The following CELF4 variants were observed in gnomAD, a reference collection of about 807,000 sequenced individuals.
CELF4 encodes the protein CUG-BP- and ETR-3-like factor 4.
In CELF4, 18 loss-of-function variants were observed where a neutral mutation model predicts 59.9. The observed-to-expected ratio is 0.30, with a 90% CI of 0.21 to 0.45. The LOEUF (loss-of-function observed/expected upper bound fraction) is 0.45. Among genes scored for constraint, CELF4 ranks in the 20% least tolerant of loss-of-function variants. The pLI, the probability that CELF4 is intolerant of heterozygous loss-of-function variation, is 1.00. For missense variants in CELF4, 456 were observed against 689.0 expected, an observed-to-expected ratio of 0.66 and a Z score of 3.79; for synonymous variants, 261 against 267.1, an observed-to-expected ratio of 0.98 and a Z score of 0.22.
rs911680013 is a variant in CELF4 at position 37,468,720 on chromosome 18, C to G, written c.369+16805G>C. Among the ~76,000 whole-genome samples the G allele has an allele frequency of 3.3e-5, 5 of 152,098 alleles. No individual in the cohort carries two copies. In the South Asian group the frequency reaches 1.0e-3, roughly 32 times the overall value. Reference sequence around the variant, plus strand: ...GGGGAGGCCTCAGGAAACTTACAATCATGGTGGCAGGCAAGCAGAGGCAAA... The same window carrying G: ...GGGGAGGCCTCAGGAAACTTACAATGATGGTGGCAGGCAAGCAGAGGCAAA... On this transcript the variant is annotated intron_variant, in intron 2 of 12. Coordinates refer to ENST00000420428, the MANE Select transcript of CELF4 (RefSeq NM_020180.4).
chr18:37,539,982 T>G (rs1363860887), intron 1 of CELF4, among the ~76,000 whole-genome samples: 1 of 152,128 alleles, frequency 6.6e-6, no homozygotes, highest in Non-Finnish European at 1.5e-5. Context: ...ACTACCCAAT[T>G]ATAACAGTGC....
intron 3 of CELF4, among the ~76,000 whole-genome samples, chr18:37,299,250 G>A (rs1279179974): frequency 6.6e-6 from 1 of 152,212 alleles, no homozygotes; most frequent in African/African-American, 2.4e-5. Flanking sequence ...GCTAGGCTGG[G>A]GGCTCCAGAA....
At chr18:37,529,464 G>T (rs1287001391) in intron 1 of CELF4, among the ~76,000 whole-genome samples, 1 of 152,224 alleles carries the variant, frequency 6.6e-6, no homozygotes, top group Non-Finnish European at 1.5e-5. Flanking sequence ...GGAGCTCACG[G>T]AGGAGCAGGC....
rs2061409105 is a variant in CELF4 at position 37,244,586 on chromosome 18, T to G, written c.*656A>C. 1 of 152,528 alleles carries G rather than the reference T, an allele frequency of 6.6e-6. No homozygotes were observed. The highest frequency in any genetic ancestry group is 2.1e-4 in the South Asian group (1 of 4,830). 9.4% of individuals were successfully genotyped at this position (152,528 alleles called of 1,614,324 possible). A position where few individuals can be genotyped will look rare whatever the true frequency, so the allele number is the denominator to read the frequency against. ...TTTGTTGTTTTTTTTGTTTTTTGTT[T>G]TTTTTTTAATTTTTTATTACATTTT... On this transcript the variant is annotated 3_prime_UTR_variant, in exon 13 of 13. Transcript: ENST00000420428.
chr18:37,383,687 T>C (rs2099067625), intron 2 of CELF4, among the ~76,000 whole-genome samples: 1 of 152,200 alleles, frequency 6.6e-6, no homozygotes, highest in South Asian at 2.1e-4. Flanking sequence ...ATTCCCATGA[T>C]AGTCTTGTGA....
intron 2 of CELF4, among the ~76,000 whole-genome samples, chr18:37,336,269 G>C (rs2097768342): frequency 6.6e-6 from 1 of 152,176 alleles, no homozygotes; most frequent in Non-Finnish European, 1.5e-5. Flanking sequence ...TGTCACGCAG[G>C]CTGGAGTGCA....
intron 2 of CELF4, among the ~76,000 whole-genome samples, chr18:37,390,984 C>T (rs1226996558): frequency 6.6e-6 from 1 of 152,154 alleles, no homozygotes; most frequent in African/African-American, 2.4e-5. Context: ...CCCTCCTGTC[C>T]CCGTCCTTGT....
chr18:37,407,630 T>C (rs1273598232), intron 2 of CELF4, among the ~76,000 whole-genome samples: 1 of 151,778 alleles, frequency 6.6e-6, no homozygotes, highest in South Asian at 2.1e-4. Context: ...CACACATACA[T>C]ACAAACGCAC....
rs189265768 is a variant in CELF4 at position 37,289,581 on chromosome 18, C to T, written c.449-14338G>A. ...TCCCTTCCCCCACAGCCAGACTCTG[C>T]TATCAGGGACACTGTCAGCTGCCCT... On this transcript the variant is annotated intron_variant, in intron 3 of 12. Transcript: ENST00000420428. 1.3e-3 allele frequency among the ~76,000 whole-genome samples: 197 copies of T among 152,104 alleles called. 2 individuals carry two copies. In the South Asian group the frequency reaches 0.013, roughly 10 times the overall value.
At chr18:37,331,675 G>A (rs567172674) in intron 2 of CELF4, among the ~76,000 whole-genome samples, 1 of 151,978 alleles carries the variant, frequency 6.6e-6, no homozygotes, top group African/African-American at 2.4e-5. Context: ...CCTCATGACA[G>A]GGCTCACATC....
rs552384871 is a variant in CELF4, at chr18:37,351,902, C to T, written c.370-30021G>A. On this transcript the variant is annotated intron_variant, in intron 2 of 12. Coordinates refer to ENST00000420428, the MANE Select transcript of CELF4 (RefSeq NM_020180.4). ...AAGTGCTGGGATTACAGGCGTGAGC[C>T]ACCACCGAACCTGGCCCAGAAACAC... Among the ~76,000 whole-genome samples, 4 of 152,198 alleles carry T rather than the reference C, an allele frequency of 2.6e-5. No individual in the cohort carries two copies. The East Asian group carries it at 7.7e-4, about 29-fold the overall frequency.
At chr18:37,424,757 C>G (rs974187929) in intron 2 of CELF4, among the ~76,000 whole-genome samples, 3 of 152,160 alleles carry the variant, frequency 2.0e-5, no homozygotes, top group African/African-American at 7.2e-5. Context: ...GCTGCCTCCT[C>G]CCCCTACCCT....
intron 2 of CELF4, among the ~76,000 whole-genome samples, chr18:37,391,949 C>T (rs921618998): frequency 4.6e-5 from 7 of 152,196 alleles, no homozygotes; most frequent in African/African-American, 1.7e-4. Context: ...AAGCCTGGAT[C>T]CAAGGCACAA....
At chr18:37,534,756 G>A (rs1268464665) in intron 1 of CELF4, among the ~76,000 whole-genome samples, 1 of 152,220 alleles carries the variant, frequency 6.6e-6, no homozygotes, top group Non-Finnish European at 1.5e-5. Flanking sequence ...GAGGGGAAGA[G>A]AAGGGAGGGA....
chr18:37,293,988 C>A (rs1439104306), intron 3 of CELF4, among the ~76,000 whole-genome samples: 2 of 152,172 alleles, frequency 1.3e-5, no homozygotes, highest in African/African-American at 4.8e-5. Flanking sequence ...CCACCAACCA[C>A]CTGACTGACA....
chr18:37,526,046 C>T (rs890480367), intron 1 of CELF4, among the ~76,000 whole-genome samples: 1 of 152,166 alleles, frequency 6.6e-6, no homozygotes, highest in African/African-American at 2.4e-5. Context: ...AGTTTGAGCA[C>T]CACTGACCTC....
chr18:37,335,482 AGTGTGT>A (rs55853220), intron 2 of CELF4, among the ~76,000 whole-genome samples: 177 of 144,270 alleles, frequency 1.2e-3, no homozygotes, highest in Non-Finnish European at 1.6e-3. Flanking sequence ...CAGTGCATGC[AGTGTGT>A]GTGTGTGTGT....
chr18:37,261,246 C>A (rs936387083), intron 10 of CELF4, among the ~76,000 whole-genome samples: 4 of 151,868 alleles, frequency 2.6e-5, no homozygotes, highest in East Asian at 1.9e-4. Flanking sequence ...CAGCCCCCCC[C>A]ACACCTCCCT....
intron 2 of CELF4, among the ~76,000 whole-genome samples, chr18:37,357,728 C>T (rs1327139027): frequency 6.6e-6 from 1 of 152,230 alleles, no homozygotes; most frequent in Non-Finnish European, 1.5e-5. Flanking sequence ...CCCTGCAAAG[C>T]CACAGGGGTG....
Sources: allele counts gnomAD v4.1 joint callset (sites outside exome capture counted in the v4.1 genomes callset), GRCh38; gene constraint gnomAD v4.1.1; transcripts MANE v1.5; gene names NCBI Gene and HGNC (gene_info 2026-07-23, HGNC 2026-07-21).